The following GLYATL2 variants were observed in gnomAD, a reference collection of about 807,000 sequenced individuals.
GLYATL2 encodes the protein glycine-N-acyltransferase like 2, also known as glycine N-acyltransferase-like protein 2.
Under a neutral mutation model 21.4 loss-of-function variants are expected in GLYATL2, and 25 were observed. That is an observed-to-expected ratio of 1.17 (90% confidence interval 0.85 to 1.63). The LOEUF (loss-of-function observed/expected upper bound fraction) is 1.63. Ranked by LOEUF, GLYATL2 falls within the 40% of genes most tolerant of loss-of-function variation. The probability of loss-of-function intolerance (pLI) is 0.00; values close to 1 mark genes in which losing one functional copy is unlikely to be tolerated. For synonymous variants in GLYATL2, 114 were observed against 118.2 expected, an observed-to-expected ratio of 0.96 and a Z score of 0.23; for missense variants, 361 against 343.3, an observed-to-expected ratio of 1.05 and a Z score of -0.41.
In GLYATL2 at chr11:58,903,609, C is replaced by A. The variant is rs569293314; in HGVS notation, n.60+547G>T. On this transcript the variant is annotated intron_variant and non_coding_transcript_variant, in intron 1 of 4. Transcript: ENST00000533636. ...AATCACCTAAACCCAGGAGGTTGAG[C>A]TTACAGTGAACTGAGATTGTAACAC... Among the ~76,000 whole-genome samples, 5 of 152,176 alleles carry A rather than the reference C, an allele frequency of 3.3e-5. No individual in the cohort carries two copies. In the East Asian group the frequency reaches 9.7e-4, roughly 29 times the overall value.
At chr11:58,877,607 T>C (rs1268156030) in intron 1 of GLYATL2, among the ~76,000 whole-genome samples, 2 of 152,012 alleles carry the variant, frequency 1.3e-5, no homozygotes, top group African/African-American at 2.4e-5. Context: ...ACCAAGAGAG[T>C]GTGCTGTCTT....
At chr11:58,846,700 C>T (rs1344104503), upstream of GLYATL2, among the ~76,000 whole-genome samples, 1 of 152,150 alleles carries the variant, frequency 6.6e-6, no homozygotes, top group African/African-American at 2.4e-5. Context: ...TGACTGAAAA[C>T]CTCACCACAG....
intron 1 of GLYATL2, among the ~76,000 whole-genome samples, chr11:58,875,035 A>G (rs1377857549): frequency 6.6e-6 from 1 of 152,156 alleles, no homozygotes; most frequent in African/African-American, 2.4e-5. Flanking sequence ...TCCCTTTACC[A>G]TTATGTAATG....
chr11:58,869,400 T>G (rs976003082), intron 1 of GLYATL2, among the ~76,000 whole-genome samples: 1 of 152,102 alleles, frequency 6.6e-6, no homozygotes, highest in African/African-American at 2.4e-5. Context: ...TTCTTTGGAG[T>G]CTGGGGAGGT....
intron 1 of GLYATL2, among the ~76,000 whole-genome samples, chr11:58,871,631 G>A (rs1226274065): frequency 1.3e-5 from 2 of 152,050 alleles, no homozygotes; most frequent in Non-Finnish European, 2.9e-5. Context: ...TTTTATGGCT[G>A]CATAGTATTC....
intron 1 of GLYATL2, among the ~76,000 whole-genome samples, chr11:58,865,166 A>T (rs1854003242): frequency 1.4e-5 from 2 of 147,636 alleles, no homozygotes; most frequent in Admixed American, 7.0e-5. Flanking sequence ...AAGGAAAGTT[A>T]AACGCAATAG....
intron 1 of GLYATL2, among the ~76,000 whole-genome samples, chr11:58,858,832 A>T (rs1394952492): frequency 6.6e-6 from 1 of 152,114 alleles, no homozygotes; most frequent in African/African-American, 2.4e-5. Context: ...GTTGGCCACC[A>T]TTTCACCCAA....
chr11:58,836,718 C>A (rs1853437462), intron 5 of GLYATL2, among the ~76,000 whole-genome samples: 1 of 152,068 alleles, frequency 6.6e-6, no homozygotes, highest in Non-Finnish European at 1.5e-5. Context: ...TATAAGCATG[C>A]AGCATTTTGT....
At chr11:58,849,728 T>C (rs1460726162) in intron 1 of GLYATL2, among the ~76,000 whole-genome samples, 12 of 151,518 alleles carry the variant, frequency 7.9e-5, no homozygotes, top group Admixed American at 5.9e-4. Flanking sequence ...TAAGTGGGAG[T>C]TGAACAATGA....
At chr11:58,850,430 A>T (rs183316623) in intron 1 of GLYATL2, among the ~76,000 whole-genome samples, 27 of 152,280 alleles carry the variant, frequency 1.8e-4, no homozygotes, top group East Asian at 7.7e-4. Flanking sequence ...CATAGATATG[A>T]TTATATATGA....
upstream of GLYATL2, among the ~76,000 whole-genome samples, chr11:58,847,764 G>T (rs1415471432): frequency 2.0e-5 from 3 of 152,164 alleles, no homozygotes; most frequent in Non-Finnish European, 4.4e-5. Flanking sequence ...GAATCTCACT[G>T]CCCTGATGGG....
rs1313654951 is a variant in GLYATL2 at position 58,836,007 on chromosome 11, A to G, written c.476+1008T>C. Among the ~76,000 whole-genome samples, 2 of 152,088 alleles carry G rather than the reference A, an allele frequency of 1.3e-5. 1 individual carries two copies. The highest frequency in any genetic ancestry group is 4.8e-5 in the African/African-American group (2 of 41,370). On this transcript the variant is annotated intron_variant, in intron 5 of 5. Transcript: ENST00000287275. ...TGTTTAAATTCTATTTATTTTTTCA[A>G]TTAGTAATACAAATATAAAGCATAA... is the stretch of plus-strand genomic sequence containing the variant.
At chr11:58,887,501 T>C (rs1854464118) in intron 1 of GLYATL2, among the ~76,000 whole-genome samples, 1 of 152,194 alleles carries the variant, frequency 6.6e-6, no homozygotes, top group African/African-American at 2.4e-5. Context: ...AAGAAGTTAA[T>C]AACTTCTCTC....
chr11:58,877,908 T>A (rs1383342450), intron 1 of GLYATL2, among the ~76,000 whole-genome samples: 2 of 152,224 alleles, frequency 1.3e-5, no homozygotes, highest in East Asian at 3.8e-4. Context: ...TAACCTACCT[T>A]AATAGTCAGA....
intron 1 of GLYATL2, among the ~76,000 whole-genome samples, chr11:58,898,479 CCTCTT>C (rs1854671586): frequency 1.2e-5 from 1 of 80,860 alleles, no homozygotes; most frequent in African/African-American, 3.1e-5. Flanking sequence ...ACTATTGTTT[CCTCTT>C]TTTTTTTTTT....
intron 1 of GLYATL2, chr11:58,885,384 C>T: frequency 2.8e-6 from 1 of 356,060 alleles, no homozygotes; most frequent in Non-Finnish European, 5.5e-6. Flanking sequence ...ATCCAGATCC[C>T]CATCTCTAGG....
At chr11:58,893,567 T>C (rs1027624571) in intron 1 of GLYATL2, 1 of 153,370 alleles carries the variant, frequency 6.5e-6, no homozygotes, top group Non-Finnish European at 1.5e-5. Context: ...ATTTATTATA[T>C]GCCAGGAACT....
chr11:58,850,065 G>T (rs1853712648), intron 1 of GLYATL2, among the ~76,000 whole-genome samples: 1 of 152,036 alleles, frequency 6.6e-6, no homozygotes, highest in Non-Finnish European at 1.5e-5. Context: ...TCAAAACACA[G>T]AAAACTACAG....
intron 1 of GLYATL2, among the ~76,000 whole-genome samples, chr11:58,856,667 C>G (rs531920512): frequency 1.6e-4 from 25 of 152,228 alleles, no homozygotes; most frequent in African/African-American, 5.8e-4. Context: ...GGGAGAGAGT[C>G]TGGGAACGGT....
Sources: allele counts gnomAD v4.1 joint callset (sites outside exome capture counted in the v4.1 genomes callset), GRCh38; gene constraint gnomAD v4.1.1; transcripts MANE v1.5; gene names NCBI Gene and HGNC (gene_info 2026-07-23, HGNC 2026-07-21).